Variants in OSBP2 observed in about 807,000 individuals in gnomAD.
OSBP2 encodes oxysterol-binding protein 2.
OSBP2 carries 66 observed loss-of-function variants against 96.0 expected under a neutral mutation model. The observed-to-expected ratio is 0.69, with a 90% CI of 0.56 to 0.84. The LOEUF is 0.84. OSBP2 is among the 40% of genes least tolerant of loss of function. The pLI is 0.00. For synonymous variants in OSBP2, 525 were observed against 520.9 expected, an observed-to-expected ratio of 1.01 and a Z score of -0.11; for missense variants, 1,038 against 1,222.7, an observed-to-expected ratio of 0.85 and a Z score of 2.25.
At chr22:30,747,837 G>A (rs1403504114) in intron 2 of OSBP2, among the ~76,000 whole-genome samples, 2 of 152,046 alleles carry the variant, frequency 1.3e-5, no homozygotes. Flanking sequence ...CTCCATTATA[G>A]CACCCTGGAT....
chr22:30,888,618 C>T (rs2147152521), intron 5 of OSBP2, among the ~76,000 whole-genome samples: 1 of 152,232 alleles, frequency 6.6e-6, no homozygotes, highest in East Asian at 1.9e-4. Flanking sequence ...GTCCCAGCTA[C>T]TTGGGAGGCT....
chr22:30,902,221 AC>A, intron 12 of OSBP2: 1 of 1,432,820 alleles, frequency 7.0e-7, no homozygotes, highest in Admixed American at 1.7e-5. Context: ...ACAGAGCCCC[AC>A]ACACAGCATA....
At chr22:30,754,413 G>T (rs2090116033) in intron 2 of OSBP2, among the ~76,000 whole-genome samples, 1 of 152,224 alleles carries the variant, frequency 6.6e-6, no homozygotes, top group African/African-American at 2.4e-5. Flanking sequence ...TGAGCCAGAT[G>T]CAGGGAACTC....
At chr22:30,724,851 T>C (rs1464089998) in intron 1 of OSBP2, among the ~76,000 whole-genome samples, 1 of 152,054 alleles carries the variant, frequency 6.6e-6, no homozygotes, top group Non-Finnish European at 1.5e-5. Context: ...GTGTGCTCCA[T>C]GGAAAGAGCC....
At chr22:30,861,363 C>T (rs905831343) in intron 2 of OSBP2, among the ~76,000 whole-genome samples, 7 of 152,172 alleles carry the variant, frequency 4.6e-5, no homozygotes, top group East Asian at 1.9e-4. Flanking sequence ...CTGCACCCCT[C>T]GCCTGGAGAA....
intron 8 of OSBP2, among the ~76,000 whole-genome samples, chr22:30,891,997 G>C (rs1347259595): frequency 6.6e-6 from 1 of 152,180 alleles, no homozygotes; most frequent in African/African-American, 2.4e-5. Flanking sequence ...AAGGAAAGGA[G>C]GGTGAAGAAG....
intron 12 of OSBP2, among the ~76,000 whole-genome samples, chr22:30,904,595 A>AATATATATATATAT (rs531519651): frequency 6.7e-5 from 10 of 149,822 alleles, no homozygotes; most frequent in African/African-American, 2.4e-4. Context: ...ACATAATTAA[A>AATATATATATATAT]ATATATATAT....
At chr22:30,799,102 TTCCTTCCTTCC>T (rs2090812783) in intron 2 of OSBP2, among the ~76,000 whole-genome samples, 1 of 150,256 alleles carries the variant, frequency 6.7e-6, no homozygotes. Context: ...CCTTCCTTCC[TTCCTTCCTTCC>T]TTTCTTTCTC....
intron 1 of OSBP2, among the ~76,000 whole-genome samples, chr22:30,722,739 TTCTC>T (rs2089572352): frequency 6.6e-6 from 1 of 150,718 alleles, no homozygotes; most frequent in African/African-American, 2.4e-5. Flanking sequence ...TTCTCCTTCC[TTCTC>T]TTTCTCTCTC....
At chr22:30,824,096 G>T (rs536385094) in intron 2 of OSBP2, among the ~76,000 whole-genome samples, 1 of 152,316 alleles carries the variant, frequency 6.6e-6, no homozygotes, top group South Asian at 2.1e-4. Context: ...GGTTGTGGAG[G>T]AATGTCACCT....
rs566357964 is a variant in OSBP2, at chr22:30,801,429, T to C, written c.853+60060T>C. Among the ~76,000 whole-genome samples the C allele has an allele frequency of 2.6e-5, 4 of 152,318 alleles. No individual in the cohort carries two copies. In the South Asian group the frequency reaches 8.3e-4, roughly 32 times the overall value. On this transcript the variant is annotated intron_variant, in intron 2 of 13. Transcript: ENST00000332585. The stretch of plus-strand genomic sequence containing the variant: ...CCTTCCTAGCACACTTCCTAAATGA[T>C]AAATGCCCACTCCTGTTCCACCTAT...
At chr22:30,835,947 G>A (rs2038622935) in intron 2 of OSBP2, among the ~76,000 whole-genome samples, 1 of 151,780 alleles carries the variant, frequency 6.6e-6, no homozygotes, top group African/African-American at 2.4e-5. Flanking sequence ...TTGAACTCTT[G>A]GCCTCAAGTG....
intron 3 of OSBP2, among the ~76,000 whole-genome samples, chr22:30,885,159 C>T (rs1569165403): frequency 6.6e-6 from 1 of 152,218 alleles, no homozygotes; most frequent in Non-Finnish European, 1.5e-5. Context: ...TGCCCATCTT[C>T]CTCCTTTGGG....
chr22:30,736,653 C>T (rs1280387142), intron 1 of OSBP2, among the ~76,000 whole-genome samples: 1 of 152,146 alleles, frequency 6.6e-6, no homozygotes, highest in Non-Finnish European at 1.5e-5. Context: ...TGCTTAGCTC[C>T]CCTTAGTGTT....
intron 2 of OSBP2, chr22:30,822,774 C>T: frequency 7.3e-7 from 1 of 1,369,826 alleles, no homozygotes; most frequent in Non-Finnish European, 9.9e-7. Context: ...CGCCCGGTGC[C>T]TGGCTTTGCT....
rs1308912010 is a variant in OSBP2, at chr22:30,800,624, G to A, written c.853+59255G>A. ...AGTCCGCCTGCCAGAATGAGCATGT[G>A]TAGTGGCAAGGTCAAAGAGTAGGGC... On this transcript the variant is annotated intron_variant, in intron 2 of 13. Coordinates refer to ENST00000332585, the MANE Select transcript of OSBP2 (RefSeq NM_030758.4). Among the ~76,000 whole-genome samples the A allele has an allele frequency of 6.6e-5, 10 of 152,326 alleles. No individual in the cohort carries two copies. The East Asian group carries it at 1.7e-3, about 26-fold the overall frequency.
chr22:30,790,125 C>G (rs1569124967), intron 2 of OSBP2, among the ~76,000 whole-genome samples: 1 of 151,896 alleles, frequency 6.6e-6, no homozygotes, highest in Non-Finnish European at 1.5e-5. Flanking sequence ...TTGGAGTGGC[C>G]CATTGGGTGT....
intron 1 of OSBP2, among the ~76,000 whole-genome samples, chr22:30,725,870 C>T (rs2089641744): frequency 1.3e-5 from 2 of 151,558 alleles, no homozygotes; most frequent in African/African-American, 4.9e-5. Flanking sequence ...CTCACTGCCT[C>T]CCAGGTTCAA....
At chr22:30,831,741 C>T (rs5753337) in intron 2 of OSBP2, among the ~76,000 whole-genome samples, 15,778 of 152,026 alleles carry the variant, frequency 0.1, 945 homozygotes, top group East Asian at 0.23. Context: ...GTACTGAATC[C>T]ACTCTTTAGC....
Sources: allele counts gnomAD v4.1 joint callset (sites outside exome capture counted in the v4.1 genomes callset), GRCh38; gene constraint gnomAD v4.1.1; transcripts MANE v1.5; gene names NCBI Gene and HGNC (gene_info 2026-07-23, HGNC 2026-07-21).